The following SEMA3D variants were observed in gnomAD, a reference collection of about 807,000 sequenced individuals.
SEMA3D encodes semaphorin-3D.
In SEMA3D, 84 loss-of-function variants were observed where a neutral mutation model predicts 100.1. That is an observed-to-expected ratio of 0.84 (90% confidence interval 0.70 to 1.01). The LOEUF (loss-of-function observed/expected upper bound fraction) is 1.01, where lower values mean the gene tolerates loss of function less well. Among genes scored for constraint, SEMA3D ranks in the 50% least tolerant of loss-of-function variants. SEMA3D has a pLI of 0.00. For missense variants in SEMA3D, 875 were observed against 934.1 expected (o/e 0.94, Z 0.82); for synonymous variants, 312 against 320.7 (o/e 0.97, Z 0.29).
chr7:85,156,388 C>T (rs923178077), intron 1 of SEMA3D, among the ~76,000 whole-genome samples: 5 of 152,148 alleles, frequency 3.3e-5, no homozygotes, highest in Non-Finnish European at 5.9e-5. Flanking sequence ...GCGTGAGCCA[C>T]CACACCTGGC....
At chr7:85,210,541 T>C in the SEMA3D span, among the ~76,000 whole-genome samples, 250 of 152,118 alleles carry the variant, frequency 1.6e-3, no homozygotes, top group African/African-American at 5.8e-3. Flanking sequence ...AGGTCTGAAA[T>C]GAATAAAATT....
chr7:85,058,008 C>T (rs1019742901), intron 8 of SEMA3D, among the ~76,000 whole-genome samples: 1 of 152,170 alleles, frequency 6.6e-6, no homozygotes. Context: ...CTCAGCCTCT[C>T]TGGGTTGGCC....
intron 1 of SEMA3D, among the ~76,000 whole-genome samples, chr7:85,163,921 C>A (rs1038162427): frequency 6.6e-6 from 1 of 152,102 alleles, no homozygotes; most frequent in African/African-American, 2.4e-5. Flanking sequence ...ACAAGAAAAG[C>A]TTCAATTTTC....
At chr7:85,216,715 G>A in the SEMA3D span, among the ~76,000 whole-genome samples, 1 of 151,878 alleles carries the variant, frequency 6.6e-6, no homozygotes, top group African/African-American at 2.4e-5. Context: ...GAAAAAAATG[G>A]AGTAGTGTTA....
At chr7:85,063,042 G>T (rs1398976586) in intron 8 of SEMA3D, among the ~76,000 whole-genome samples, 1 of 152,140 alleles carries the variant, frequency 6.6e-6, no homozygotes, top group Non-Finnish European at 1.5e-5. Flanking sequence ...TAATGATCAT[G>T]ATGATATTGA....
chr7:85,241,552 T>C, the SEMA3D span, among the ~76,000 whole-genome samples: 6 of 146,696 alleles, frequency 4.1e-5, no homozygotes, highest in Non-Finnish European at 7.4e-5. Flanking sequence ...CTGGATGGGA[T>C]TGGAGGCTTG....
the SEMA3D span, among the ~76,000 whole-genome samples, chr7:85,239,391 C>G: frequency 6.6e-6 from 1 of 152,176 alleles, no homozygotes; most frequent in African/African-American, 2.4e-5. Flanking sequence ...GGCATCGTCT[C>G]GAAGCAGACA....
the SEMA3D span, among the ~76,000 whole-genome samples, chr7:85,243,069 C>A: frequency 1.3e-5 from 2 of 152,096 alleles, no homozygotes; most frequent in African/African-American, 2.4e-5. Context: ...CTGCTTCAGT[C>A]CCCCACACCA....
chr7:85,128,824 G>T (rs949742767), intron 2 of SEMA3D, among the ~76,000 whole-genome samples: 13 of 147,800 alleles, frequency 8.8e-5, no homozygotes, highest in African/African-American at 3.2e-4. Context: ...TAATTGGGTA[G>T]TTGGAAACTT....
rs1387512346 is a variant in SEMA3D at position 85,055,876 on chromosome 7, A to C, written c.719-17T>G. ...ATTTTGCTCCTGTTTGAAAGAAAAG[A>C]AGCTATAAATTAAGATACTGAAACA... On this transcript the variant is annotated splice_polypyrimidine_tract_variant and intron_variant, in intron 8 of 18. Transcript: ENST00000284136. The C allele has an allele frequency of 2.1e-6, 3 of 1,454,496 alleles. No individual in the cohort carries two copies. Among genetic ancestry groups the C allele is most frequent in the Non-Finnish European group, 2.8e-6 (3 of 1,059,670 alleles). The allele number at this position is 1,454,496 out of a possible 1,614,324, so 90.1% of individuals were successfully genotyped here. A position where few individuals can be genotyped will look rare whatever the true frequency, so the allele number is the denominator to read the frequency against.
chr7:85,091,649 T>C (rs1355893069), intron 4 of SEMA3D, among the ~76,000 whole-genome samples: 5 of 152,078 alleles, frequency 3.3e-5, no homozygotes, highest in African/African-American at 7.2e-5. Context: ...TGTTCACTTG[T>C]AGTCAAACTG....
At chr7:85,200,174 T>C in the SEMA3D span, among the ~76,000 whole-genome samples, 3 of 152,202 alleles carry the variant, frequency 2.0e-5, no homozygotes, top group African/African-American at 4.8e-5. Flanking sequence ...GGGGTGTTTC[T>C]GAAAAGATAC....
the SEMA3D span, among the ~76,000 whole-genome samples, chr7:85,217,076 C>A: frequency 6.6e-6 from 1 of 152,170 alleles, no homozygotes; most frequent in South Asian, 2.1e-4. Flanking sequence ...AGTTTAATAG[C>A]TTCATATAAT....
chr7:85,063,138 T>C (rs1791523055), intron 8 of SEMA3D, among the ~76,000 whole-genome samples: 1 of 152,208 alleles, frequency 6.6e-6, no homozygotes, highest in Non-Finnish European at 1.5e-5. Context: ...GAATAGATTC[T>C]ATTGTTAATA....
intron 18 of SEMA3D, among the ~76,000 whole-genome samples, chr7:85,005,665 C>T (rs559902324): frequency 3.3e-5 from 5 of 151,784 alleles, no homozygotes; most frequent in Non-Finnish European, 7.4e-5. Context: ...GCAGCATTCA[C>T]GTTTGGAGTG....
At chr7:85,098,619 T>A (rs530247405) in intron 3 of SEMA3D, among the ~76,000 whole-genome samples, 97 of 151,994 alleles carry the variant, frequency 6.4e-4, no homozygotes, top group Middle Eastern at 6.8e-3. Context: ...GCTTCTCCCA[T>A]CATCAGCATC....
intron 8 of SEMA3D, among the ~76,000 whole-genome samples, chr7:85,065,208 GT>G (rs1217320619): frequency 6.6e-6 from 1 of 152,174 alleles, no homozygotes; most frequent in African/African-American, 2.4e-5. Context: ...GCACAGAAGA[GT>G]GTTGAGGAAT....
intron 1 of SEMA3D, among the ~76,000 whole-genome samples, chr7:85,154,795 C>T (rs1790535959): frequency 6.6e-6 from 1 of 151,610 alleles, no homozygotes; most frequent in African/African-American, 2.4e-5. Context: ...TAATAGACAA[C>T]CATAAAAGAT....
At chr7:85,105,235 T>C (rs1383807612) in intron 3 of SEMA3D, among the ~76,000 whole-genome samples, 1 of 152,106 alleles carries the variant, frequency 6.6e-6, no homozygotes, top group South Asian at 2.1e-4. Flanking sequence ...CAGGGCTTTT[T>C]ATGCTGAGTT....
Sources: allele counts gnomAD v4.1 joint callset (sites outside exome capture counted in the v4.1 genomes callset), GRCh38; gene constraint gnomAD v4.1.1; transcripts MANE v1.5; gene names NCBI Gene and HGNC (gene_info 2026-07-23, HGNC 2026-07-21).